OPCML: variants seen among roughly 807,000 people sequenced by gnomAD.
OPCML encodes the protein opioid binding protein/cell adhesion molecule like, also known as opioid-binding protein/cell adhesion molecule.
Under a neutral mutation model 37.8 loss-of-function variants are expected in OPCML, and 13 were observed. The ratio of observed to expected loss-of-function variants is 0.34; its 90% CI spans 0.22 to 0.55. The LOEUF (loss-of-function observed/expected upper bound fraction) is 0.55. Among genes scored for constraint, OPCML ranks in the 20% least tolerant of loss-of-function variants. The probability of loss-of-function intolerance (pLI) is 0.91; values close to 1 mark genes in which losing one functional copy is unlikely to be tolerated. For synonymous variants in OPCML, 176 were observed against 168.8 expected (o/e 1.04, Z -0.33); for missense variants, 341 against 435.6 (o/e 0.78, Z 1.93).
chr11:133,151,741 G>A (rs1949990251), intron 1 of OPCML, among the ~76,000 whole-genome samples: 2 of 152,142 alleles, frequency 1.3e-5, no homozygotes, highest in Non-Finnish European at 1.5e-5. Flanking sequence ...GTTCTATCAC[G>A]GGATCAGTTA....
intron 1 of OPCML, among the ~76,000 whole-genome samples, chr11:133,027,663 G>A (rs964226673): frequency 8.1e-5 from 12 of 147,716 alleles, no homozygotes; most frequent in South Asian, 4.4e-4. Context: ...TGTGTGGGGC[G>A]TGTGGTGTGC....
intron 1 of OPCML, among the ~76,000 whole-genome samples, chr11:133,442,597 C>T (rs1406416705): frequency 6.6e-6 from 1 of 152,092 alleles, no homozygotes; most frequent in Non-Finnish European, 1.5e-5. Flanking sequence ...AATAAAACAG[C>T]ATTCAATCTT....
chr11:132,642,230 T>C (rs1940891092), intron 3 of OPCML, among the ~76,000 whole-genome samples: 1 of 152,208 alleles, frequency 6.6e-6, no homozygotes, highest in Non-Finnish European at 1.5e-5. Context: ...GTCTTGCTGA[T>C]ATTATTTCTC....
At chr11:133,297,753 T>C (rs1233305004) in intron 1 of OPCML, 1 of 152,232 alleles carries the variant, frequency 6.6e-6, no homozygotes, top group Non-Finnish European at 1.5e-5. Context: ...CCAATTTGTC[T>C]AGAGCATGAT....
intron 2 of OPCML, among the ~76,000 whole-genome samples, chr11:132,775,117 T>C (rs1044744829): frequency 6.6e-6 from 1 of 152,210 alleles, no homozygotes; most frequent in South Asian, 2.1e-4. Flanking sequence ...ATCAGCTGAC[T>C]TGCTAAGTGA....
chr11:132,966,582 G>C (rs541230099), intron 1 of OPCML, among the ~76,000 whole-genome samples: 1 of 152,100 alleles, frequency 6.6e-6, no homozygotes, highest in East Asian at 1.9e-4. Flanking sequence ...GTTCATAATG[G>C]TGTTCTTATC....
intron 2 of OPCML, among the ~76,000 whole-genome samples, chr11:132,892,210 A>G (rs1943677554): frequency 6.6e-6 from 1 of 152,230 alleles, no homozygotes; most frequent in Non-Finnish European, 1.5e-5. Context: ...GCTGGAAATC[A>G]CTAAATTTAC....
At chr11:132,648,522 T>G (rs1418335786) in intron 3 of OPCML, among the ~76,000 whole-genome samples, 1 of 122,324 alleles carries the variant, frequency 8.2e-6, no homozygotes, top group Non-Finnish European at 1.7e-5. Flanking sequence ...TCTCTCTGTC[T>G]TTTTTTTTTT....
At chr11:132,570,395 A>C (rs897642876) in intron 3 of OPCML, among the ~76,000 whole-genome samples, 5 of 152,030 alleles carry the variant, frequency 3.3e-5, no homozygotes, top group African/African-American at 1.2e-4. Flanking sequence ...GGATGTTTTG[A>C]GGGGAAAGTT....
intron 1 of OPCML, among the ~76,000 whole-genome samples, chr11:133,442,805 AG>A (rs770349870): frequency 1.1e-4 from 16 of 151,638 alleles, no homozygotes; most frequent in East Asian, 9.7e-4. Flanking sequence ...AGAAGAAAAA[AG>A]CTTATGAGTT....
intron 2 of OPCML, among the ~76,000 whole-genome samples, chr11:132,798,543 A>T (rs922961215): frequency 1.3e-5 from 2 of 152,214 alleles, no homozygotes; most frequent in African/African-American, 4.8e-5. Flanking sequence ...ATTCAGTCAC[A>T]TCATCAGGCT....
At chr11:133,196,064 G>A (rs1365489337) in intron 1 of OPCML, among the ~76,000 whole-genome samples, 2 of 152,118 alleles carry the variant, frequency 1.3e-5, no homozygotes, top group African/African-American at 4.8e-5. Context: ...AAATATTCAC[G>A]AGCTGCTGAG....
intron 1 of OPCML, among the ~76,000 whole-genome samples, chr11:133,467,967 C>T (rs1336016013): frequency 6.6e-6 from 1 of 152,144 alleles, no homozygotes; most frequent in Non-Finnish European, 1.5e-5. Flanking sequence ...CACTTACTAC[C>T]TCTGGGACCT....
intron 1 of OPCML, among the ~76,000 whole-genome samples, chr11:133,087,507 A>G (rs1948834764): frequency 1.3e-5 from 2 of 152,114 alleles, no homozygotes; most frequent in African/African-American, 4.8e-5. Flanking sequence ...GACTCAATGA[A>G]TAAGCATTTT....
At chr11:133,342,046 C>T (rs888686550) in intron 1 of OPCML, among the ~76,000 whole-genome samples, 4 of 152,116 alleles carry the variant, frequency 2.6e-5, no homozygotes, top group Non-Finnish European at 4.4e-5. Context: ...GTTGTCTGAA[C>T]TCTGTTTAGG....
At chr11:133,089,885 T>A (rs546360889) in intron 1 of OPCML, among the ~76,000 whole-genome samples, 19 of 152,186 alleles carry the variant, frequency 1.2e-4, no homozygotes, top group Non-Finnish European at 1.9e-4. Flanking sequence ...ATTGAGCACA[T>A]GCCACGTACT....
intron 1 of OPCML, among the ~76,000 whole-genome samples, chr11:132,956,379 T>C (rs1285901925): frequency 2.0e-5 from 3 of 152,230 alleles, no homozygotes; most frequent in Non-Finnish European, 2.9e-5. Flanking sequence ...ATTATTGTGA[T>C]ATATTGTAAC....
At chr11:132,586,271 T>G (rs760755979) in intron 3 of OPCML, among the ~76,000 whole-genome samples, 1 of 152,234 alleles carries the variant, frequency 6.6e-6, no homozygotes, top group Non-Finnish European at 1.5e-5. Flanking sequence ...TCTCTGAGAT[T>G]CTCAATTTCT....
At chr11:132,477,024 G>C (rs533195422) in intron 4 of OPCML, among the ~76,000 whole-genome samples, 1 of 152,166 alleles carries the variant, frequency 6.6e-6, no homozygotes, top group South Asian at 2.1e-4. Context: ...TAGGTAAATT[G>C]ACCACTTATC....
Sources: allele counts gnomAD v4.1 joint callset (sites outside exome capture counted in the v4.1 genomes callset), GRCh38; gene constraint gnomAD v4.1.1; transcripts MANE v1.5; gene names NCBI Gene and HGNC (gene_info 2026-07-23, HGNC 2026-07-21).